The following GPC5 variants were observed in gnomAD, a reference collection of about 807,000 sequenced individuals.
GPC5 encodes glypican-5.
Under a neutral mutation model 53.9 loss-of-function variants are expected in GPC5, and 47 were observed. The ratio of observed to expected loss-of-function variants is 0.87; its 90% CI spans 0.69 to 1.11. GPC5 has a LOEUF of 1.11. Ranked by LOEUF, GPC5 falls within the 50% of genes most tolerant of loss-of-function variation. GPC5 has a pLI of 0.00. For synonymous variants in GPC5, 286 were observed against 263.3 expected, an observed-to-expected ratio of 1.09 and a Z score of -0.84; for missense variants, 748 against 713.1, an observed-to-expected ratio of 1.05 and a Z score of -0.56.
rs576433207 is a variant in GPC5, at chr13:92,699,355, G to A, written c.1562-166927G>A. Among the ~76,000 whole-genome samples, 7 of 151,890 alleles carry A rather than the reference G, an allele frequency of 4.6e-5. No homozygotes were observed. In the South Asian group the frequency reaches 1.5e-3, roughly 32 times the overall value. On this transcript the variant is annotated intron_variant, in intron 7 of 7. Coordinates refer to ENST00000377067, the MANE Select transcript of GPC5 (RefSeq NM_004466.6). ...AAGTCTGGCTAGTGGTCTATCAATT[G>A]TGTTGATCTTTTCAGAAATCCTGTT...
chr13:92,158,490 T>C (rs16947072), intron 7 of GPC5, among the ~76,000 whole-genome samples: 8,393 of 152,094 alleles, frequency 0.055, 488 homozygotes, highest in African/African-American at 0.14. Context: ...TTCCTCTCAA[T>C]TCTTTTCAGT....
chr13:92,298,736 G>T (rs12859500), intron 7 of GPC5, among the ~76,000 whole-genome samples: 14,167 of 152,096 alleles, frequency 0.093, 753 homozygotes, highest in Middle Eastern at 0.15. Flanking sequence ...GTCGTCTCAG[G>T]TTTCCTGATT....
At chr13:91,598,598 A>C (rs968296937) in intron 2 of GPC5, among the ~76,000 whole-genome samples, 2 of 152,008 alleles carry the variant, frequency 1.3e-5, no homozygotes. Context: ...GATATGTTGT[A>C]TTTAATTGTT....
At chr13:92,421,043 C>T (rs959306435) in intron 7 of GPC5, among the ~76,000 whole-genome samples, 1 of 152,132 alleles carries the variant, frequency 6.6e-6, no homozygotes, top group Non-Finnish European at 1.5e-5. Context: ...AAGGTATAAA[C>T]GAGACATGGC....
intron 7 of GPC5, among the ~76,000 whole-genome samples, chr13:92,190,801 AAAC>A: frequency 6.6e-6 from 1 of 152,246 alleles, no homozygotes; most frequent in South Asian, 2.1e-4. Context: ...GGTAGAAGAA[AAAC>A]AACAAAGAAC....
chr13:92,587,023 C>T (rs768566899), intron 7 of GPC5, among the ~76,000 whole-genome samples: 1 of 152,014 alleles, frequency 6.6e-6, no homozygotes, highest in Admixed American at 6.6e-5. Flanking sequence ...ACTTAATGAG[C>T]TATTTTCTTC....
intron 6 of GPC5, among the ~76,000 whole-genome samples, chr13:92,039,713 C>T (rs1448287816): frequency 6.6e-6 from 1 of 152,118 alleles, no homozygotes; most frequent in Non-Finnish European, 1.5e-5. Flanking sequence ...CTCCTTGGCT[C>T]ACAATGAATG....
chr13:92,315,934 A>G (rs1439496735), intron 7 of GPC5, among the ~76,000 whole-genome samples: 5 of 152,220 alleles, frequency 3.3e-5, no homozygotes, highest in Admixed American at 6.5e-5. Context: ...GTAAATAGGT[A>G]TAACCCTTAC....
chr13:92,485,225 A>G (rs905962832), intron 7 of GPC5, among the ~76,000 whole-genome samples: 1 of 152,202 alleles, frequency 6.6e-6, no homozygotes, highest in African/African-American at 2.4e-5. Context: ...GTTTTTATGC[A>G]ATATATTTTC....
chr13:92,170,354 AT>A (rs2042060635), intron 7 of GPC5, among the ~76,000 whole-genome samples: 1 of 132,428 alleles, frequency 7.6e-6, no homozygotes, highest in African/African-American at 2.9e-5. Context: ...TGCTAATTAC[AT>A]TTTTTTCTAA....
At chr13:92,851,231 C>A (rs1356373501) in intron 7 of GPC5, among the ~76,000 whole-genome samples, 1 of 152,166 alleles carries the variant, frequency 6.6e-6, no homozygotes, top group Non-Finnish European at 1.5e-5. Flanking sequence ...ACCTCCAGCA[C>A]TGGGGATTAC....
At chr13:92,774,586 A>G (rs1227698635) in intron 7 of GPC5, among the ~76,000 whole-genome samples, 1 of 152,182 alleles carries the variant, frequency 6.6e-6, no homozygotes, top group Non-Finnish European at 1.5e-5. Flanking sequence ...CTGTATACCT[A>G]AATCCATCAC....
intron 6 of GPC5, among the ~76,000 whole-genome samples, chr13:92,100,020 C>A (rs879286081): frequency 1.3e-5 from 2 of 152,114 alleles, no homozygotes; most frequent in Non-Finnish European, 2.9e-5. Flanking sequence ...TGGAGAGAAC[C>A]ATGTGGCAAG....
At chr13:92,068,915 G>A (rs1594751319) in intron 6 of GPC5, among the ~76,000 whole-genome samples, 1 of 151,654 alleles carries the variant, frequency 6.6e-6, no homozygotes, top group South Asian at 2.1e-4. Flanking sequence ...TTCTTTTGTT[G>A]CTTGTAATTT....
chr13:92,223,662 T>C (rs2042464839), intron 7 of GPC5, among the ~76,000 whole-genome samples: 1 of 152,134 alleles, frequency 6.6e-6, no homozygotes, highest in African/African-American at 2.4e-5. Context: ...TTAGTATAAT[T>C]ATGACTCAGG....
chr13:91,887,937 C>T (rs1240130649), intron 5 of GPC5, among the ~76,000 whole-genome samples: 1 of 152,198 alleles, frequency 6.6e-6, no homozygotes, highest in Non-Finnish European at 1.5e-5. Flanking sequence ...ACTGTTACAA[C>T]CTCTGCTTGT....
intron 7 of GPC5, among the ~76,000 whole-genome samples, chr13:92,209,402 G>T (rs555294534): frequency 2.6e-5 from 4 of 152,258 alleles, no homozygotes; most frequent in African/African-American, 9.6e-5. Flanking sequence ...AACCATTGGG[G>T]TTAAGTTTCA....
chr13:91,465,326 A>C (rs532022245), intron 2 of GPC5, among the ~76,000 whole-genome samples: 2 of 152,158 alleles, frequency 1.3e-5, no homozygotes, highest in African/African-American at 2.4e-5. Context: ...CCACAATTAG[A>C]GAATATTTTC....
chr13:92,842,062 A>C (rs554149722), intron 7 of GPC5, among the ~76,000 whole-genome samples: 147 of 152,276 alleles, frequency 9.7e-4, no homozygotes, highest in African/African-American at 3.5e-3. Flanking sequence ...TTCTCTAGGA[A>C]GTAGCTTTTC....
Sources: allele counts gnomAD v4.1 joint callset (sites outside exome capture counted in the v4.1 genomes callset), GRCh38; gene constraint gnomAD v4.1.1; transcripts MANE v1.5; gene names NCBI Gene and HGNC (gene_info 2026-07-23, HGNC 2026-07-21).